Variants in SYAP1 observed in about 807,000 individuals in gnomAD.
The protein encoded by SYAP1 is synapse associated protein 1, also known as synapse-associated protein 1.
In SYAP1, 3 loss-of-function variants were observed where a neutral mutation model predicts 29.6. That is an observed-to-expected ratio of 0.10 (90% CI 0.05 to 0.26). The LOEUF (loss-of-function observed/expected upper bound fraction) is 0.26. Ranked by LOEUF, SYAP1 falls within the 10% of genes least tolerant of loss-of-function variation. SYAP1 has a pLI of 1.00. For synonymous variants in SYAP1, 102 were observed against 102.7 expected (o/e 0.99, Z 0.04); for missense variants, 217 against 264.1 (o/e 0.82, Z 1.24).
intron 1 of SYAP1, among the ~76,000 whole-genome samples, chrX:16,733,815 G>A (rs1470459306): frequency 1.8e-5 from 2 of 110,187 alleles, no homozygotes; most frequent in African/African-American, 3.3e-5. Context: ...ACAGGCGCAC[G>A]CCACCATGCC....
In SYAP1 at chrX:16,742,118, A is replaced by G. The variant is rs370085268; in HGVS notation, c.435+329A>G. ...ATAGCTGGGACTACAGGCATGCGCC[A>G]CCATGCCCAGCTAATTTTTGTGTGG... On this transcript the variant is annotated intron_variant, in intron 4 of 8. Transcript: ENST00000380155. Among the ~76,000 whole-genome samples the G allele has an allele frequency of 1.7e-3, 161 of 93,712 alleles. 1 individual carries two copies. The highest frequency in any genetic ancestry group is 6.7e-3 in the African/African-American group (152 of 22,838). The allele number at this position is 93,712 out of a possible 115,157, so 81.4% of individuals were successfully genotyped here.
At position 16,719,826 on chromosome X, in the gene SYAP1, G is replaced by A. The variant is rs768276379; in HGVS notation, c.102G>A (p.Val34=). ...CACCCGAGCAGCCGTCCGAGACGGT[G>A]GCTGAGTCTGCGGAGGAGGAGCTGC... ...DAPPEQPSET[V]AESAEEELQQ... is the part of the protein sequence containing the mutation. Residue 34 remains valine (V), a synonymous_variant, in exon 1 of 9, where the codon GTG becomes GTA. Transcript: ENST00000380155. 5.0e-6 allele frequency: 6 copies of A among 1,197,190 alleles called. No individual in the cohort carries two copies. The African/African-American group carries it at 1.1e-4, about 21-fold the overall frequency.
At chrX:16,739,148 G>T (rs1243836496) in intron 3 of SYAP1, among the ~76,000 whole-genome samples, 1 of 111,430 alleles carries the variant, frequency 9.0e-6, no homozygotes, top group Non-Finnish European at 1.9e-5. Flanking sequence ...TGTTTTGGGG[G>T]CTTTACCCTA....
chrX:16,735,048 C>CAGTATG (rs886242501), intron 1 of SYAP1, among the ~76,000 whole-genome samples, 179 bp from the exon 2 acceptor site: 1 of 105,969 alleles, frequency 9.4e-6, no homozygotes, highest in African/African-American at 3.5e-5. Context: ...ATGAAAGGCC[C>CAGTATG]AGTATGATTG....
intron 5 of SYAP1, among the ~76,000 whole-genome samples, chrX:16,744,338 C>T (rs148430241): frequency 8.9e-6 from 1 of 112,511 alleles, no homozygotes; most frequent in Non-Finnish European, 1.9e-5. Flanking sequence ...CAGGGGCCAC[C>T]TTCCCCGCTG....
rs941786183 is a variant in SYAP1, at chrX:16,763,957, C to T, written c.*3598C>T. ...GGCGCAGTCTCAGCTCACTGCAAAC[C>T]TCCGGCTCCCGGGTTCAGGCAGTTC... is the stretch of plus-strand genomic sequence containing the variant. On this transcript the variant is annotated 3_prime_UTR_variant, in exon 9 of 9. Transcript: ENST00000380155. 5 of 105,117 alleles carry T rather than the reference C, an allele frequency of 4.8e-5. No individual in the cohort carries two copies. Among genetic ancestry groups the T allele is most frequent in the African/African-American group, 1.8e-4 (5 of 28,122 alleles). The allele number at this position is 105,117 out of a possible 1,213,427, so 8.7% of individuals were successfully genotyped here. A position where few individuals can be genotyped will look rare whatever the true frequency, so the allele number is the denominator to read the frequency against.
At chrX:16,751,811 C>T (rs1396030973) in intron 5 of SYAP1, among the ~76,000 whole-genome samples, 3 of 101,649 alleles carry the variant, frequency 3.0e-5, no homozygotes, top group South Asian at 4.5e-4. Flanking sequence ...CCTGCGTAGC[C>T]GGGACTACAA....
rs776534594 is a variant in SYAP1 at position 16,735,265 on chromosome X, A to G, written c.214A>G (p.Ile72Val). Reference protein sequence around the residue: ...FNFASAATKKITESVAETAQT... With the variant: ...FNFASAATKKVTESVAETAQT... ...CTTTGCATCTGCTGCCACAAAAAAGATAACTGAATCAGTTGCTGAAACAGC... is the reference window on the plus strand; with the variant it reads ...CTTTGCATCTGCTGCCACAAAAAAGGTAACTGAATCAGTTGCTGAAACAGC... Residue 72 changes from isoleucine (I) to valine (V), a missense_variant, in exon 2 of 9, where the codon ATA becomes GTA. Physicochemically the swap from Ile to Val is conservative, Grantham distance 29. Transcript: ENST00000380155. 1.7e-6 allele frequency: 2 copies of G among 1,201,564 alleles called. No individual in the cohort carries two copies. The highest frequency in any genetic ancestry group is 1.1e-6 in the Non-Finnish European group (1 of 891,242).
chrX:16,755,853 T>C lies in SYAP1; in HGVS notation c.724+760T>C, dbSNP rs138592493. Among the ~76,000 whole-genome samples the C allele has an allele frequency of 5.9e-3, 667 of 112,225 alleles. 7 individuals are homozygous for C. Among genetic ancestry groups the C allele is most frequent in the African/African-American group, 0.02 (625 of 30,919 alleles). On this transcript the variant is annotated intron_variant, in intron 6 of 8. Coordinates refer to ENST00000380155, the MANE Select transcript of SYAP1 (RefSeq NM_032796.4). Reference sequence around the variant, plus strand: ...ACCTGCTGTGTATAGTAGGTACTCATTACAACTGGACATTTATCCCACAAG... The same window carrying C: ...ACCTGCTGTGTATAGTAGGTACTCACTACAACTGGACATTTATCCCACAAG...
intron 5 of SYAP1, among the ~76,000 whole-genome samples, chrX:16,748,906 G>T (rs892237579): frequency 9.2e-6 from 1 of 109,094 alleles, no homozygotes; most frequent in Non-Finnish European, 1.9e-5. Context: ...ACAGGCGCAC[G>T]CCACCACACC....
chrX:16,749,723 C>A (rs754339036), intron 5 of SYAP1, among the ~76,000 whole-genome samples: 2 of 109,911 alleles, frequency 1.8e-5, no homozygotes, highest in Non-Finnish European at 3.8e-5. Flanking sequence ...CGAGACCATC[C>A]TGGCTAACAC....
rs1207425105 is a variant in SYAP1, at chrX:16,761,526, A to G, written c.*1167A>G. The stretch of plus-strand genomic sequence containing the variant: ...TTCTCTTTCTGCTATACCAGCAGAC[A>G]CATATTCATAGAATATGATTATTTT... On this transcript the variant is annotated 3_prime_UTR_variant, in exon 9 of 9. Transcript: ENST00000380155. The G allele has an allele frequency of 1.8e-5, 2 of 111,423 alleles. No individual in the cohort carries two copies. The highest frequency in any genetic ancestry group is 3.3e-5 in the African/African-American group (1 of 30,657). 9.2% of individuals were successfully genotyped at this position (111,423 alleles called of 1,213,427 possible). A position where few individuals can be genotyped will look rare whatever the true frequency, so the allele number is the denominator to read the frequency against.
chrX:16,720,432 A>G (rs1925934169), intron 1 of SYAP1, among the ~76,000 whole-genome samples: 2 of 112,238 alleles, frequency 1.8e-5, no homozygotes, highest in South Asian at 7.3e-4. Context: ...ACTGTCTGCT[A>G]TACGCAAGTT....
chrX:16,727,677 G>A (rs1926111830), intron 1 of SYAP1, among the ~76,000 whole-genome samples: 1 of 110,529 alleles, frequency 9.0e-6, no homozygotes, highest in Non-Finnish European at 1.9e-5. Context: ...CCCAGCCATG[G>A]ATTTGTACCA....
At chrX:16,734,657 A>T (rs933579437) in intron 1 of SYAP1, among the ~76,000 whole-genome samples, 1 of 110,663 alleles carries the variant, frequency 9.0e-6, no homozygotes, top group Non-Finnish European at 1.9e-5. Flanking sequence ...TGAGCAAGAA[A>T]ATTTTGAAGC....
At chrX:16,751,451 CA>C (rs1301725524) in intron 5 of SYAP1, among the ~76,000 whole-genome samples, 487 of 30,066 alleles carry the variant, frequency 0.016, 1 homozygote, top group Non-Finnish European at 0.023. Context: ...GACTCTGTCT[CA>C]AAAAAAAAAA....
intron 5 of SYAP1, among the ~76,000 whole-genome samples, chrX:16,744,629 G>A (rs1191085980): frequency 1.8e-5 from 2 of 111,914 alleles, no homozygotes; most frequent in South Asian, 3.7e-4. Flanking sequence ...GGTTGAGTTC[G>A]AGACCAGCCT....
intron 5 of SYAP1, among the ~76,000 whole-genome samples, chrX:16,749,478 A>G (rs969428969): frequency 8.9e-6 from 1 of 111,914 alleles, no homozygotes; most frequent in Non-Finnish European, 1.9e-5. Flanking sequence ...CGCACCTCTC[A>G]TATCAAGAGG....
In SYAP1 at chrX:16,756,660, T is replaced by C; in HGVS notation, c.725-3T>C. ...TATTGTCTCTCTTATTCTCACTTCT[T>C]AGAGGCAGTACGGCCCAAAACGCCA... On this transcript the variant is annotated splice_region_variant and splice_polypyrimidine_tract_variant and intron_variant, in intron 6 of 8. Transcript: ENST00000380155. 1.7e-6 allele frequency: 2 copies of C among 1,209,286 alleles called. No individual in the cohort carries two copies. Among genetic ancestry groups the C allele is most frequent in the Non-Finnish European group, 2.2e-6 (2 of 893,179 alleles).
Sources: gnomAD v4.1 joint callset for allele counts (sites outside exome capture counted in the v4.1 genomes callset) on GRCh38, gnomAD v4.1.1 for gene constraint, MANE v1.5 for transcripts, NCBI Gene and HGNC (gene_info 2026-07-23, HGNC 2026-07-21) for gene names.